The following PHKB variants were observed in gnomAD, a reference collection of about 807,000 sequenced individuals.
PHKB encodes the protein phosphorylase kinase regulatory subunit beta.
Under a neutral mutation model 152.1 loss-of-function variants are expected in PHKB, and 122 were observed. The observed-to-expected ratio is 0.80, with a 90% CI of 0.69 to 0.93. PHKB has a LOEUF of 0.93. Among genes scored for constraint, PHKB ranks in the 40% least tolerant of loss-of-function variants. PHKB has a pLI of 0.00. For missense variants in PHKB, 1,304 were observed against 1,328.4 expected (o/e 0.98, Z 0.29); for synonymous variants, 436 against 464.9 (o/e 0.94, Z 0.80).
At chr16:47,487,976 G>A (rs769561981) in intron 1 of PHKB, among the ~76,000 whole-genome samples, 9 of 152,154 alleles carry the variant, frequency 5.9e-5, no homozygotes, top group African/African-American at 1.7e-4. Flanking sequence ...TTGCTGGATC[G>A]AGTGATAGTT....
chr16:47,615,304 T>A (rs1235827743), intron 14 of PHKB, among the ~76,000 whole-genome samples: 1 of 152,186 alleles, frequency 6.6e-6, no homozygotes, highest in Non-Finnish European at 1.5e-5. Flanking sequence ...CAAGGGTACC[T>A]GAGTAGTAGA....
chr16:47,566,608 TG>T (rs1260890075), intron 7 of PHKB: 11 of 1,363,550 alleles, frequency 8.1e-6, no homozygotes, highest in Non-Finnish European at 1.1e-5. Context: ...AGAAAAGCAA[TG>T]TAGGGTGACA....
At chr16:47,655,144 GA>G (rs1973312596) in intron 20 of PHKB, among the ~76,000 whole-genome samples, 1 of 151,966 alleles carries the variant, frequency 6.6e-6, no homozygotes, top group African/African-American at 2.4e-5. Context: ...GGTAAACTCA[GA>G]AAAACACCCC....
intron 7 of PHKB, among the ~76,000 whole-genome samples, chr16:47,567,359 C>G (rs1057104855): frequency 1.3e-5 from 2 of 151,944 alleles, no homozygotes; most frequent in Non-Finnish European, 2.9e-5. Flanking sequence ...GTTATTGATA[C>G]ATAGCAGTGC....
At chr16:47,553,376 C>T (rs549869035) in intron 7 of PHKB, among the ~76,000 whole-genome samples, 73 of 152,104 alleles carry the variant, frequency 4.8e-4, no homozygotes, top group Admixed American at 7.2e-4. Flanking sequence ...CTGTGTTTTT[C>T]AGTTTCGTCA....
intron 6 of PHKB, among the ~76,000 whole-genome samples, 174 bp from the exon 7 acceptor site, chr16:47,547,258 AT>A (rs1472021754): frequency 6.6e-6 from 1 of 151,822 alleles, no homozygotes; most frequent in East Asian, 1.9e-4. Flanking sequence ...TAATTTTTGT[AT>A]TTTTTAGTAG....
intron 6 of PHKB, among the ~76,000 whole-genome samples, chr16:47,521,381 C>T (rs181305106): frequency 3.9e-4 from 60 of 152,156 alleles, no homozygotes; most frequent in Non-Finnish European, 6.2e-4. Context: ...GGGCTGGGTG[C>T]GGTGGCTCAC....
In PHKB at chr16:47,587,743, C is replaced by T. The variant is rs760319542; in HGVS notation, c.850C>T (p.Pro284Ser). Residue 284 changes from proline to serine, a missense_variant, in exon 9 of 31, where the codon CCC (proline) becomes TCC (serine). Transcript: ENST00000323584. ...RNRQTLCSLLPRESRSHNTDA... is the reference protein window; with the variant it reads ...RNRQTLCSLLSRESRSHNTDA... Reference sequence around the variant, plus strand: ...CAGGCAAACTTTGTGCTCGCTGTTACCCAGAGAATCAAGATCACATGTGAG... The same window carrying T: ...CAGGCAAACTTTGTGCTCGCTGTTATCCAGAGAATCAAGATCACATGTGAG... 8.1e-6 allele frequency: 13 copies of T among 1,611,468 alleles called. No individual in the cohort carries two copies. The South Asian group carries it at 1.4e-4, about 18-fold the overall frequency.
intron 6 of PHKB, among the ~76,000 whole-genome samples, chr16:47,540,883 A>T (rs1971045480): frequency 7.0e-6 from 1 of 143,884 alleles, no homozygotes; most frequent in African/African-American, 2.6e-5. Flanking sequence ...CTGGAGTGGC[A>T]ATGGGGCGAT....
chr16:47,672,089 A>T (rs1040385060), intron 26 of PHKB, among the ~76,000 whole-genome samples: 3 of 152,154 alleles, frequency 2.0e-5, no homozygotes, highest in African/African-American at 7.2e-5. Context: ...GTATTATTTT[A>T]AAAATTACTT....
chr16:47,624,930 A>G (rs1346521346), intron 14 of PHKB, among the ~76,000 whole-genome samples: 2 of 152,338 alleles, frequency 1.3e-5, no homozygotes, highest in East Asian at 1.9e-4. Context: ...ATGCCAGTCT[A>G]TTTGACTTCA....
At chr16:47,493,461 A>G (rs1004503030) in intron 1 of PHKB, among the ~76,000 whole-genome samples, 1 of 152,222 alleles carries the variant, frequency 6.6e-6, no homozygotes, top group African/African-American at 2.4e-5. Context: ...TAGTTGAGGT[A>G]TTTTAAAAGT....
chr16:47,638,857 GTGTT>G (rs1276736925), intron 14 of PHKB, among the ~76,000 whole-genome samples: 1 of 152,186 alleles, frequency 6.6e-6, no homozygotes, highest in African/African-American at 2.4e-5. Context: ...GTGTGTGTGT[GTGTT>G]TGTCTGTAAC....
At chr16:47,476,221 G>T (rs1168354675) in intron 1 of PHKB, among the ~76,000 whole-genome samples, 1 of 152,094 alleles carries the variant, frequency 6.6e-6, no homozygotes, top group African/African-American at 2.4e-5. Flanking sequence ...TAGTCCACTG[G>T]TAGTTTTCAT....
At chr16:47,598,844 C>G in intron 13 of PHKB, 1 of 1,606,220 alleles carries the variant, frequency 6.2e-7, no homozygotes, top group Non-Finnish European at 8.5e-7. Context: ...GCCAGCTTCT[C>G]ATTTGTAATC....
chr16:47,687,808 G>T (rs1026818699), intron 26 of PHKB, among the ~76,000 whole-genome samples: 1 of 152,206 alleles, frequency 6.6e-6, no homozygotes, highest in Non-Finnish European at 1.5e-5. Flanking sequence ...GCTCAGGGCA[G>T]TGGAGGTTAG....
chr16:47,564,719 T>G (rs1372373313), intron 7 of PHKB, among the ~76,000 whole-genome samples: 1 of 152,232 alleles, frequency 6.6e-6, no homozygotes, highest in Non-Finnish European at 1.5e-5. Context: ...CTAGAATTTT[T>G]ATGATTTCAG....
rs147624679 is a variant in PHKB, at chr16:47,693,473, A to T, written c.2861A>T (p.Asn954Ile). The T allele has an allele frequency of 2.5e-6, 4 of 1,614,096 alleles. No homozygotes were observed. Among genetic ancestry groups the T allele is most frequent in the Non-Finnish European group, 3.4e-6 (4 of 1,180,010 alleles). The change falls in exon 28 of 31, where the codon AAT becomes ATT. Residue 954 changes from asparagine to isoleucine, a missense_variant. Coordinates refer to ENST00000323584, the MANE Select transcript of PHKB (RefSeq NM_000293.3). ...TGGCAGATTCTGGAGCGCACGCCCAATGGGATCATTGTTGCTGGGAAGCAT... is the reference window on the plus strand; with the variant it reads ...TGGCAGATTCTGGAGCGCACGCCCATTGGGATCATTGTTGCTGGGAAGCAT... Reference protein sequence around the residue: ...RVWQILERTPNGIIVAGKHLP... With the variant: ...RVWQILERTPIGIIVAGKHLP...
intron 7 of PHKB, among the ~76,000 whole-genome samples, chr16:47,579,451 T>TG (rs994734863): frequency 1.3e-5 from 2 of 152,170 alleles, no homozygotes; most frequent in Admixed American, 1.3e-4. Flanking sequence ...GGTGCTGCTC[T>TG]GGGGACCATA....
Sources: allele counts gnomAD v4.1 joint callset (sites outside exome capture counted in the v4.1 genomes callset), GRCh38; gene constraint gnomAD v4.1.1; transcripts MANE v1.5; gene names NCBI Gene and HGNC (gene_info 2026-07-23, HGNC 2026-07-21).